THAP6: variants seen among roughly 807,000 people sequenced by gnomAD.
THAP6 encodes THAP domain containing 6.
Under a neutral mutation model 20.0 loss-of-function variants are expected in THAP6, and 13 were observed. The observed-to-expected ratio is 0.65, with a 90% confidence interval of 0.42 to 1.03. The LOEUF (loss-of-function observed/expected upper bound fraction) is 1.03, where lower values mean the gene tolerates loss of function less well. THAP6 is among the 50% of genes least tolerant of loss of function. THAP6 has a pLI of 0.00. For synonymous variants in THAP6, 93 were observed against 92.2 expected (o/e 1.01, Z -0.05); for missense variants, 262 against 261.6 (o/e 1.00, Z -0.01).
downstream of THAP6, among the ~76,000 whole-genome samples, chr4:75,533,537 C>T (rs1350782457): frequency 6.6e-6 from 1 of 152,166 alleles, no homozygotes; most frequent in Non-Finnish European, 1.5e-5. Context: ...ACTCTCGGTA[C>T]CAATTTGCTG....
chr4:75,513,953 C>G (rs890588759), upstream of THAP6: 12 of 416,498 alleles, frequency 2.9e-5, no homozygotes, highest in East Asian at 4.8e-4. Flanking sequence ...TGGCAGAGAC[C>G]ACTGTGCAAG....
At position 75,528,827 on chromosome 4, in the gene THAP6, T is replaced by G; in HGVS notation, c.*1613T>G. ...ACTTTGGGAGGCCAAGGCAGGCAGA[T>G]CACTTGAGGTCAGGGGTTCAAAACC... On this transcript the variant is annotated 3_prime_UTR_variant, in exon 5 of 5. Coordinates refer to ENST00000311638, the MANE Select transcript of THAP6 (RefSeq NM_144721.6). 1 of 939,246 alleles carries G rather than the reference T, an allele frequency of 1.1e-6. No individual in the cohort carries two copies. The highest frequency in any genetic ancestry group is 1.3e-6 in the Non-Finnish European group (1 of 789,384). The allele number at this position is 939,246 out of a possible 1,614,324, so 58.2% of individuals were successfully genotyped here.
At chr4:75,524,949 G>T (rs192252205) in intron 4 of THAP6, among the ~76,000 whole-genome samples, 4 of 152,190 alleles carry the variant, frequency 2.6e-5, no homozygotes, top group Admixed American at 2.6e-4. Context: ...GTAGAGACCA[G>T]ATTTCTCCAT....
chr4:75,514,135 C>T, upstream of THAP6: 1 of 1,571,038 alleles, frequency 6.4e-7, no homozygotes, highest in East Asian at 2.3e-5. Flanking sequence ...AACCACCTGC[C>T]CAGCCCGCCC....
At chr4:75,517,214 C>T (rs1725719631) in intron 3 of THAP6, 1 of 389,520 alleles carries the variant, frequency 2.6e-6, no homozygotes, top group Non-Finnish European at 4.7e-6. Flanking sequence ...GATGGCGTTT[C>T]ACCATCTTGG....
chr4:75,523,800 CAAAAAAAAAA>C (rs74684663), intron 4 of THAP6, among the ~76,000 whole-genome samples: 3 of 72,742 alleles, frequency 4.1e-5, no homozygotes, highest in South Asian at 1.2e-3. Flanking sequence ...GAACCTGTCT[CAAAAAAAAAA>C]AAAAAAAAAA....
chr4:75,516,953 A>G lies in THAP6; in HGVS notation c.262A>G (p.Ile88Val), dbSNP rs184735609. The G allele has an allele frequency of 1.1e-4, 182 of 1,612,906 alleles. No individual in the cohort carries two copies. In the East Asian group the frequency reaches 3.6e-3, roughly 32 times the overall value. The change falls in exon 3 of 5, where the codon ATC becomes GTC. Residue 88 changes from isoleucine to valine, a missense_variant. By Grantham distance (29) the Ile-to-Val change is conservative (BLOSUM62 3). Transcript: ENST00000311638. Reference sequence around the variant, plus strand: ...ACTGAAACCTGGAGTCATACCTTCTATCTTTGATTCTCCATATCACCTACA... The same window carrying G: ...ACTGAAACCTGGAGTCATACCTTCTGTCTTTGATTCTCCATATCACCTACA... ...IKLKPGVIPS[I>V]FDSPYHLQGK...
chr4:75,521,623 T>C (rs1426153111), intron 3 of THAP6, 113 bp from the exon 4 acceptor site: 11 of 1,166,174 alleles, frequency 9.4e-6, no homozygotes, highest in Non-Finnish European at 1.3e-5. Flanking sequence ...AAAAGCAATT[T>C]CCATGAAAAG....
At chr4:75,531,656 T>C (rs984602956), downstream of THAP6, among the ~76,000 whole-genome samples, 14 of 152,092 alleles carry the variant, frequency 9.2e-5, no homozygotes, top group African/African-American at 2.9e-4. Flanking sequence ...AAGAAAGAAG[T>C]TTAATGGACT....
At chr4:75,514,470 G>A (rs1184338513), upstream of THAP6, 1 of 582,222 alleles carries the variant, frequency 1.7e-6, no homozygotes, top group Non-Finnish European at 2.9e-6. Flanking sequence ...CGGAAGCGAA[G>A]GCAGACGCAG....
At chr4:75,519,730 G>T (rs1725893460) in intron 3 of THAP6, among the ~76,000 whole-genome samples, 1 of 151,790 alleles carries the variant, frequency 6.6e-6, no homozygotes, top group East Asian at 1.9e-4. Flanking sequence ...GTCTATCATT[G>T]TTGGACATTT....
intron 3 of THAP6, among the ~76,000 whole-genome samples, chr4:75,518,278 A>G (rs1354438945): frequency 6.6e-6 from 1 of 152,234 alleles, no homozygotes; most frequent in Non-Finnish European, 1.5e-5. Context: ...TCATTTTAGA[A>G]AATAAGATTA....
chr4:75,534,250 T>C (rs1726786731), downstream of THAP6, among the ~76,000 whole-genome samples: 1 of 152,094 alleles, frequency 6.6e-6, no homozygotes, highest in Non-Finnish European at 1.5e-5. Context: ...CCCTCAGAAA[T>C]AATACCACAC....
chr4:75,514,361 C>G, upstream of THAP6: 2 of 1,501,540 alleles, frequency 1.3e-6, no homozygotes, highest in Non-Finnish European at 1.8e-6. Flanking sequence ...CTGCGCCTCT[C>G]TAGCACACCC....
intron 2 of THAP6, among the ~76,000 whole-genome samples, chr4:75,535,390 A>G (rs1179807110): frequency 7.0e-6 from 1 of 143,156 alleles, no homozygotes; most frequent in East Asian, 2.0e-4. Flanking sequence ...ATTTCTGAAG[A>G]AGGCTGAGGT....
rs148026447 is a variant in THAP6 at position 75,527,147 on chromosome 4, C to G, written c.602C>G (p.Ala201Gly). 2 of 1,614,086 alleles carry G rather than the reference C, an allele frequency of 1.2e-6. No homozygotes were observed. Among genetic ancestry groups the G allele is most frequent in the Non-Finnish European group, 8.5e-7 (1 of 1,179,964 alleles). ...GAATGTCTGATCAGCCAAGAAACAG[C>G]AAATAGACTGGACACTTTCTGTTGG... ...KDECLISQET[A>G]NRLDTFCWDC... Residue 201 changes from alanine to glycine, a missense_variant, in exon 5 of 5, where the codon GCA becomes GGA. Coordinates refer to ENST00000311638, the MANE Select transcript of THAP6 (RefSeq NM_144721.6).
At chr4:75,514,380 C>G, upstream of THAP6, 1 of 1,394,872 alleles carries the variant, frequency 7.2e-7, no homozygotes, top group Non-Finnish European at 9.7e-7. Context: ...CCCTCCCAGC[C>G]CCAGCGGCCA....
chr4:75,524,431 A>G (rs1265641491), intron 4 of THAP6, among the ~76,000 whole-genome samples: 1 of 152,098 alleles, frequency 6.6e-6, no homozygotes, highest in Non-Finnish European at 1.5e-5. Flanking sequence ...CCATATTTCC[A>G]CCTGTTATCA....
intron 3 of THAP6, chr4:75,544,606 C>A (rs1036593043): frequency 2.0e-5 from 3 of 152,206 alleles, no homozygotes; most frequent in Non-Finnish European, 4.4e-5. Context: ...TACCCCCCAA[C>A]CTCGGCCTCC....
Sources: allele counts gnomAD v4.1 joint callset (sites outside exome capture counted in the v4.1 genomes callset), GRCh38; gene constraint gnomAD v4.1.1; transcripts MANE v1.5; gene names NCBI Gene and HGNC (gene_info 2026-07-23, HGNC 2026-07-21).